Variants in DPYD observed in about 807,000 individuals in gnomAD.
The protein encoded by DPYD is dihydropyrimidine dehydrogenase [NADP(+)].
In DPYD, 109 loss-of-function variants were observed where a neutral mutation model predicts 116.2. The ratio of observed to expected loss-of-function variants is 0.94; its 90% CI spans 0.80 to 1.10. DPYD has a LOEUF of 1.10. Among genes scored for constraint, DPYD ranks in the 50% least tolerant of loss-of-function variants. The pLI is 0.00. For missense variants in DPYD, 1,302 were observed against 1,254.5 expected, an observed-to-expected ratio of 1.04 and a Z score of -0.57; for synonymous variants, 440 against 432.0, an observed-to-expected ratio of 1.02 and a Z score of -0.23.
At chr1:97,782,171 C>G (rs1039373169) in intron 3 of DPYD, among the ~76,000 whole-genome samples, 9 of 152,222 alleles carry the variant, frequency 5.9e-5, no homozygotes, top group African/African-American at 1.7e-4. Context: ...TCCTCTCACA[C>G]TAATAGATAC....
chr1:97,339,387 GACC>G lies in DPYD; in HGVS notation c.2059-33093_2059-33091del, dbSNP rs572887506. Among the ~76,000 whole-genome samples, 420 of 152,152 alleles carry G rather than the reference GACC, an allele frequency of 2.8e-3. 2 individuals are homozygous for G. The highest frequency in any genetic ancestry group is 9.7e-3 in the African/African-American group (403 of 41,510). ...CTAGACATAATCAGGGAAAATGTCT[GACC>G]TCCAATGCTAATGAAAAAAATTCTT... On this transcript the variant is annotated intron_variant, in intron 16 of 22. Transcript: ENST00000370192.
chr1:97,817,587 T>C (rs1361353813), intron 3 of DPYD, among the ~76,000 whole-genome samples: 1 of 152,060 alleles, frequency 6.6e-6, no homozygotes, highest in African/African-American at 2.4e-5. Context: ...TAATAAAAAA[T>C]GCCAACGTGC....
intron 19 of DPYD, among the ~76,000 whole-genome samples, chr1:97,197,758 G>T (rs1373120425): frequency 6.6e-6 from 1 of 152,128 alleles, no homozygotes; most frequent in Non-Finnish European, 1.5e-5. Context: ...TTATCATACA[G>T]GGTTGGTGTT....
intron 20 of DPYD, among the ~76,000 whole-genome samples, chr1:97,154,196 C>T (rs1655255390): frequency 1.3e-5 from 2 of 152,100 alleles, no homozygotes; most frequent in Admixed American, 1.3e-4. Flanking sequence ...ACTTGCACAA[C>T]CATGTTTATA....
chr1:97,489,396 G>T (rs1678843700), intron 13 of DPYD, among the ~76,000 whole-genome samples: 1 of 152,104 alleles, frequency 6.6e-6, no homozygotes, highest in Non-Finnish European at 1.5e-5. Flanking sequence ...CTCCCAGAGG[G>T]TTCCATCCTT....
At chr1:97,322,880 C>G (rs930736451) in intron 16 of DPYD, 2 of 151,968 alleles carry the variant, frequency 1.3e-5, no homozygotes, top group East Asian at 1.9e-4. Flanking sequence ...TAAAGAGCAG[C>G]TCCTGTTTTC....
chr1:97,162,384 C>T (rs995428566), intron 20 of DPYD, among the ~76,000 whole-genome samples: 5 of 152,050 alleles, frequency 3.3e-5, no homozygotes, highest in African/African-American at 1.2e-4. Flanking sequence ...TTCACAATTG[C>T]TTCAAAGAGA....
At chr1:97,664,751 T>C (rs1300623757) in intron 8 of DPYD, among the ~76,000 whole-genome samples, 2 of 152,088 alleles carry the variant, frequency 1.3e-5, no homozygotes, top group African/African-American at 4.8e-5. Context: ...GAAAATAACT[T>C]TAAGATAATG....
At chr1:97,736,176 A>G (rs1160314720) in intron 4 of DPYD, among the ~76,000 whole-genome samples, 1 of 152,054 alleles carries the variant, frequency 6.6e-6, no homozygotes, top group African/African-American at 2.4e-5. Context: ...TCTTTAAAAC[A>G]GCACCCCAAA....
At chr1:97,166,789 T>C (rs957009891) in intron 20 of DPYD, among the ~76,000 whole-genome samples, 8 of 152,178 alleles carry the variant, frequency 5.3e-5, no homozygotes, top group Non-Finnish European at 1.2e-4. Context: ...AGAAATTATA[T>C]TTTATGTTAT....
At chr1:97,398,292 C>T (rs1357214316) in intron 14 of DPYD, among the ~76,000 whole-genome samples, 1 of 152,114 alleles carries the variant, frequency 6.6e-6, no homozygotes, top group Non-Finnish European at 1.5e-5. Flanking sequence ...TTTTTTATGG[C>T]TGCATAGTAT....
chr1:97,740,584 T>A (rs1664209517), intron 3 of DPYD, 105 bp from the exon 4 acceptor site: 13 of 998,262 alleles, frequency 1.3e-5, no homozygotes, highest in Middle Eastern at 2.3e-4. Flanking sequence ...ATAAATAAAA[T>A]CGTATCATTT....
intron 12 of DPYD, among the ~76,000 whole-genome samples, chr1:97,538,881 A>AG (rs1265831261): frequency 6.6e-6 from 1 of 152,272 alleles, no homozygotes; most frequent in East Asian, 1.9e-4. Flanking sequence ...TTAGTTTCAG[A>AG]GGGGGGTTGA....
At chr1:97,385,535 A>AC (rs1423560053) in intron 14 of DPYD, among the ~76,000 whole-genome samples, 1 of 149,244 alleles carries the variant, frequency 6.7e-6, no homozygotes, top group Non-Finnish European at 1.5e-5. Flanking sequence ...TAAAAAAAAA[A>AC]AAACAAAATA....
chr1:97,122,014 T>G (rs565510404), intron 20 of DPYD, among the ~76,000 whole-genome samples: 3 of 151,952 alleles, frequency 2.0e-5, no homozygotes. Context: ...TCAAGGAGGG[T>G]TTGTCCAAGA....
chr1:97,272,291 C>T (rs561340135), intron 18 of DPYD, among the ~76,000 whole-genome samples: 1 of 152,138 alleles, frequency 6.6e-6, no homozygotes, highest in African/African-American at 2.4e-5. Context: ...TATTCTGTTG[C>T]TTCTAGTCTG....
intron 5 of DPYD, chr1:97,719,817 C>T (rs1391290794): frequency 1.0e-6 from 1 of 982,868 alleles, no homozygotes; most frequent in South Asian, 4.7e-5. Flanking sequence ...TACAATTATA[C>T]AAACTATAAT....
At chr1:97,604,399 CAT>C (rs1200329395) in intron 8 of DPYD, among the ~76,000 whole-genome samples, 2 of 152,180 alleles carry the variant, frequency 1.3e-5, no homozygotes, top group East Asian at 3.9e-4. Flanking sequence ...AATTCACAAA[CAT>C]AGAAATTTGT....
intron 8 of DPYD, among the ~76,000 whole-genome samples, chr1:97,675,946 A>G (rs1453072041): frequency 2.0e-5 from 3 of 151,958 alleles, no homozygotes; most frequent in African/African-American, 7.3e-5. Flanking sequence ...ACGGGGTTTC[A>G]CCATGTTGGC....
Sources: gnomAD v4.1 joint callset for allele counts (sites outside exome capture counted in the v4.1 genomes callset) on GRCh38, gnomAD v4.1.1 for gene constraint, MANE v1.5 for transcripts, NCBI Gene and HGNC (gene_info 2026-07-23, HGNC 2026-07-21) for gene names.